SLC8A1: variants seen among roughly 807,000 people sequenced by gnomAD.
SLC8A1 encodes the protein sodium/calcium exchanger 1.
Under a neutral mutation model 68.3 loss-of-function variants are expected in SLC8A1, and 18 were observed. The ratio of observed to expected loss-of-function variants is 0.26; its 90% confidence interval spans 0.18 to 0.39. The LOEUF (loss-of-function observed/expected upper bound fraction) is 0.39, where lower values mean the gene tolerates loss of function less well. Ranked by LOEUF, SLC8A1 falls within the 10% of genes least tolerant of loss-of-function variation. The probability of loss-of-function intolerance (pLI) is 1.00; values close to 1 mark genes in which losing one functional copy is unlikely to be tolerated. For missense variants in SLC8A1, 985 were observed against 1,156.7 expected, an observed-to-expected ratio of 0.85 and a Z score of 2.15; for synonymous variants, 475 against 415.5, an observed-to-expected ratio of 1.14 and a Z score of -1.74.
chr2:40,335,302 A>G (rs1665604963), intron 2 of SLC8A1, among the ~76,000 whole-genome samples: 1 of 152,202 alleles, frequency 6.6e-6, no homozygotes, highest in Non-Finnish European at 1.5e-5. Context: ...TATTTTTCTA[A>G]TTTCCTAGAA....
chr2:40,302,753 C>A (rs1392089234), intron 2 of SLC8A1, among the ~76,000 whole-genome samples: 2 of 151,982 alleles, frequency 1.3e-5, no homozygotes, highest in South Asian at 2.1e-4. Context: ...TGGGAAAATA[C>A]CCAGGAGTGG....
rs1558875788 is a variant in SLC8A1 at position 40,233,956 on chromosome 2, ATC to A, written c.1809-56103_1809-56102del. Among the ~76,000 whole-genome samples the A allele has an allele frequency of 2.0e-5, 3 of 151,938 alleles. No homozygotes were observed. In the East Asian group the frequency reaches 5.8e-4, roughly 29 times the overall value. On this transcript the variant is annotated intron_variant, in intron 2 of 7. Transcript: ENST00000406785. The stretch of plus-strand genomic sequence containing the variant: ...GCTCTGTTCTGTTCCATTGATCTAT[ATC>A]TCTGTTTTGGTATCAGTACCATGCT...
At chr2:40,434,509 C>G (rs1699015867) in intron 1 of SLC8A1, among the ~76,000 whole-genome samples, 1 of 152,128 alleles carries the variant, frequency 6.6e-6, no homozygotes, top group Admixed American at 6.6e-5. Flanking sequence ...CATTTTCCCT[C>G]AAATATACAT....
intron 2 of SLC8A1, among the ~76,000 whole-genome samples, chr2:40,196,685 G>A (rs375655079): frequency 4.5e-4 from 68 of 152,132 alleles, no homozygotes; most frequent in African/African-American, 1.6e-3. Flanking sequence ...AGGCTTAACA[G>A]CAAATATCAT....
At chr2:40,260,641 A>G (rs1475900359) in intron 2 of SLC8A1, among the ~76,000 whole-genome samples, 1 of 152,128 alleles carries the variant, frequency 6.6e-6, no homozygotes, top group Admixed American at 6.5e-5. Context: ...AAAGAAAAAG[A>G]GGAAATGAGA....
intron 2 of SLC8A1, among the ~76,000 whole-genome samples, chr2:40,379,024 G>C (rs986334909): frequency 1.6e-4 from 24 of 152,118 alleles, no homozygotes; most frequent in Admixed American, 6.6e-5. Flanking sequence ...CATGAGGGCA[G>C]GCTCTTTGTC....
chr2:40,321,948 G>C (rs2075253221), intron 2 of SLC8A1, among the ~76,000 whole-genome samples: 1 of 152,084 alleles, frequency 6.6e-6, no homozygotes, highest in Non-Finnish European at 1.5e-5. Flanking sequence ...ATTCAACTAA[G>C]AAATTCTGCT....
At chr2:40,371,987 A>C (rs557357401) in intron 2 of SLC8A1, among the ~76,000 whole-genome samples, 1 of 152,132 alleles carries the variant, frequency 6.6e-6, no homozygotes, top group East Asian at 1.9e-4. Flanking sequence ...TTAATTTATA[A>C]GCATTGTTTA....
At chr2:40,503,879 C>T (rs1021981081) in intron 1 of SLC8A1, among the ~76,000 whole-genome samples, 1 of 151,958 alleles carries the variant, frequency 6.6e-6, no homozygotes, top group Non-Finnish European at 1.5e-5. Context: ...ATCTGTATTA[C>T]CCAAAGCAAT....
intron 2 of SLC8A1, among the ~76,000 whole-genome samples, chr2:40,272,999 T>C (rs935588823): frequency 3.9e-5 from 6 of 152,208 alleles, no homozygotes; most frequent in African/African-American, 9.6e-5. Context: ...CTGGAGTGCA[T>C]TGGCAGGATC....
chr2:40,422,444 C>A (rs777401381), intron 2 of SLC8A1, among the ~76,000 whole-genome samples: 6 of 152,120 alleles, frequency 3.9e-5, no homozygotes, highest in Non-Finnish European at 8.8e-5. Flanking sequence ...CCTTGTATGT[C>A]TTAGACCCTC....
intron 2 of SLC8A1, among the ~76,000 whole-genome samples, chr2:40,221,855 C>A (rs1183076652): frequency 6.6e-6 from 1 of 152,152 alleles, no homozygotes; most frequent in Non-Finnish European, 1.5e-5. Flanking sequence ...CTCCACTGCT[C>A]AAGGAAATAA....
Position 40,413,339 on chromosome 2 carries a change from C to A in SLC8A1, c.1808+15134G>T, listed in dbSNP as rs541175316. 1.4e-4 allele frequency among the ~76,000 whole-genome samples: 21 copies of A among 152,172 alleles called. No homozygotes were observed. The East Asian group carries it at 3.7e-3, about 27-fold the overall frequency. On this transcript the variant is annotated intron_variant, in intron 2 of 7. Coordinates refer to ENST00000406785, the Ensembl canonical transcript of SLC8A1. ...GCGGCACTATTCACAATAGCAAAGACTTGGAACTAACCCAAATGTCCAACA... is the reference window on the plus strand; with the variant it reads ...GCGGCACTATTCACAATAGCAAAGAATTGGAACTAACCCAAATGTCCAACA...
intron 7 of SLC8A1, among the ~76,000 whole-genome samples, chr2:40,121,151 CTG>C (rs1292631619): frequency 1.3e-5 from 2 of 152,212 alleles, no homozygotes; most frequent in Non-Finnish European, 2.9e-5. Context: ...GAAGCCATGA[CTG>C]TATTCTCTCT....
At chr2:40,313,415 G>C (rs1047172415) in intron 2 of SLC8A1, among the ~76,000 whole-genome samples, 15 of 151,840 alleles carry the variant, frequency 9.9e-5, no homozygotes, top group Non-Finnish European at 1.9e-4. Context: ...TTTTCTGTTG[G>C]GTAGATACCA....
chr2:40,500,439 A>G (rs1400330059), intron 1 of SLC8A1, among the ~76,000 whole-genome samples: 2 of 152,122 alleles, frequency 1.3e-5, no homozygotes, highest in Admixed American at 1.3e-4. Context: ...TAATTCCTCC[A>G]GAATAAATTC....
intron 2 of SLC8A1, among the ~76,000 whole-genome samples, chr2:40,331,928 ATTTTTCTCTCC>A (rs1355872053): frequency 2.6e-5 from 4 of 151,746 alleles, no homozygotes; most frequent in Non-Finnish European, 5.9e-5. Context: ...GTCTATGATA[ATTTTTCTCTCC>A]ATGTATTTAT....
chr2:40,264,443 A>AC (rs1458484783), intron 2 of SLC8A1, among the ~76,000 whole-genome samples: 9 of 152,142 alleles, frequency 5.9e-5, no homozygotes, highest in Non-Finnish European at 1.3e-4. Context: ...AAGACTTGGA[A>AC]CCAACCCAAA....
intron 6 of SLC8A1, among the ~76,000 whole-genome samples, chr2:40,152,395 G>A (rs943376955): frequency 2.0e-5 from 3 of 151,980 alleles, no homozygotes; most frequent in African/African-American, 7.2e-5. Flanking sequence ...CTTGTAGTTT[G>A]GATACTACCT....
Sources: allele counts gnomAD v4.1 joint callset (sites outside exome capture counted in the v4.1 genomes callset), GRCh38; gene constraint gnomAD v4.1.1; transcripts MANE v1.5; gene names NCBI Gene and HGNC (gene_info 2026-07-23, HGNC 2026-07-21).